The following ZPBP variants were observed in gnomAD, a reference collection of about 807,000 sequenced individuals.
ZPBP encodes zona pellucida binding protein, also known as zona pellucida-binding protein 1.
In ZPBP, 26 loss-of-function variants were observed where a neutral mutation model predicts 44.8. The observed-to-expected ratio is 0.58, with a 90% CI of 0.43 to 0.81. The LOEUF (loss-of-function observed/expected upper bound fraction) is 0.81, where lower values mean the gene tolerates loss of function less well. ZPBP is among the 30% of genes least tolerant of loss of function. The pLI is 0.00. For missense variants in ZPBP, 409 were observed against 434.0 expected (o/e 0.94, Z 0.51); for synonymous variants, 174 against 153.2 (o/e 1.14, Z -1.00).
chr7:49,911,925 A>ACACACACACG, intron 1 of ZPBP: 2 of 590,154 alleles, frequency 3.4e-6, no homozygotes, highest in East Asian at 3.9e-5. Context: ...AAATACACGC[A>ACACACACACG]CACACACACA....
intron 6 of ZPBP, among the ~76,000 whole-genome samples, chr7:49,993,827 A>G (rs752465215): frequency 1.3e-5 from 2 of 149,790 alleles, no homozygotes; most frequent in Non-Finnish European, 3.0e-5. Context: ...GCCCGCCACC[A>G]TGGCCATGTT....
At chr7:50,030,459 G>T (rs1283636042) in intron 5 of ZPBP, among the ~76,000 whole-genome samples, 6 of 151,162 alleles carry the variant, frequency 4.0e-5, no homozygotes, top group African/African-American at 1.5e-4. Context: ...TCAGGGAAAT[G>T]ATTAAATACA....
chr7:50,081,862 G>T lies in ZPBP; in HGVS notation c.246C>A (p.His82Gln), dbSNP rs772523665. ...AYVMLHQKSP[H>Q]VLCVTQQLRN... is the part of the protein sequence containing the mutation. ...GCAGTTGTTGCGTTACACATAACAC[G>T]TGTGGACTCTTTTGATGGAGCATGA... Residue 82 changes from histidine to glutamine, a missense_variant, in exon 3 of 8, where the codon CAC becomes CAA. Transcript: ENST00000046087. 1 of 1,611,298 alleles carries T rather than the reference G, an allele frequency of 6.2e-7. No individual in the cohort carries two copies. The highest frequency in any genetic ancestry group is 1.7e-5 in the Admixed American group (1 of 59,780).
At chr7:49,974,661 G>T (rs1229279745) in intron 7 of ZPBP, among the ~76,000 whole-genome samples, 5 of 151,970 alleles carry the variant, frequency 3.3e-5, no homozygotes. Context: ...CTGCCATTAG[G>T]CAAACAACAC....
intron 7 of ZPBP, among the ~76,000 whole-genome samples, chr7:49,948,525 A>G (rs1795199911): frequency 6.6e-6 from 1 of 152,160 alleles, no homozygotes; most frequent in South Asian, 2.1e-4. Flanking sequence ...CCTATAATTC[A>G]ACAAACAACC....
At chr7:49,928,299 T>C (rs1794319437) in intron 1 of ZPBP, among the ~76,000 whole-genome samples, 1 of 152,222 alleles carries the variant, frequency 6.6e-6, no homozygotes, top group Non-Finnish European at 1.5e-5. Flanking sequence ...TCTAGTTACA[T>C]ACACTTTTCT....
intron 4 of ZPBP, among the ~76,000 whole-genome samples, chr7:50,038,008 G>A (rs890803719): frequency 6.6e-6 from 1 of 152,090 alleles, no homozygotes; most frequent in Non-Finnish European, 1.5e-5. Flanking sequence ...TGAGACAGAG[G>A]CTCTAAATCA....
At chr7:50,054,841 G>C (rs1219720534) in intron 4 of ZPBP, among the ~76,000 whole-genome samples, 1 of 151,944 alleles carries the variant, frequency 6.6e-6, no homozygotes, top group Non-Finnish European at 1.5e-5. Context: ...TCTCTCAGTA[G>C]CTATTCAGAC....
At chr7:50,037,808 T>C (rs1799888209) in intron 4 of ZPBP, among the ~76,000 whole-genome samples, 1 of 152,144 alleles carries the variant, frequency 6.6e-6, no homozygotes, top group African/African-American at 2.4e-5. Context: ...AGACACTCCA[T>C]TCCAGATTTC....
chr7:49,945,302 A>G (rs1004972903), intron 7 of ZPBP, among the ~76,000 whole-genome samples: 1 of 151,964 alleles, frequency 6.6e-6, no homozygotes, highest in Non-Finnish European at 1.5e-5. Flanking sequence ...AGCTGAGGAG[A>G]AGAATGTGTA....
intron 1 of ZPBP, among the ~76,000 whole-genome samples, chr7:49,928,519 G>C (rs1008765670): frequency 5.9e-5 from 9 of 152,160 alleles, no homozygotes; most frequent in African/African-American, 1.9e-4. Context: ...CCTGTGGGTA[G>C]GGCTGTCTAC....
chr7:49,907,100 T>C (rs892335149), intron 1 of ZPBP, among the ~76,000 whole-genome samples: 3 of 152,142 alleles, frequency 2.0e-5, no homozygotes, highest in Non-Finnish European at 4.4e-5. Flanking sequence ...AGCTGGGACA[T>C]GTTTTTAGGT....
intron 7 of ZPBP, among the ~76,000 whole-genome samples, chr7:49,979,390 A>C (rs944579139): frequency 6.6e-6 from 1 of 152,096 alleles, no homozygotes; most frequent in African/African-American, 2.4e-5. Flanking sequence ...GGAGCACAAA[A>C]CAGTATTTTA....
intron 4 of ZPBP, among the ~76,000 whole-genome samples, chr7:50,054,066 T>G (rs1029994800): frequency 6.6e-6 from 1 of 152,124 alleles, no homozygotes; most frequent in Admixed American, 6.5e-5. Context: ...TTTTTTTGTA[T>G]TTTTAGTAGA....
At chr7:50,034,675 A>G (rs1799749408) in intron 4 of ZPBP, among the ~76,000 whole-genome samples, 1 of 152,046 alleles carries the variant, frequency 6.6e-6, no homozygotes, top group Admixed American at 6.5e-5. Flanking sequence ...CTCTAACACC[A>G]TCTCCTGAAA....
At chr7:49,857,044 C>T (rs928054421) in intron 2 of ZPBP, among the ~76,000 whole-genome samples, 6 of 116,524 alleles carry the variant, frequency 5.1e-5, no homozygotes. Flanking sequence ...AAAAAAAAGA[C>T]GTAACATGAT....
intron 6 of ZPBP, 127 bp from the exon 7 acceptor site, chr7:49,983,646 T>C: frequency 1.7e-6 from 1 of 604,664 alleles, no homozygotes; most frequent in South Asian, 2.1e-5. Context: ...TTTCTTGCAC[T>C]CACAGACTAT....
intron 1 of ZPBP, among the ~76,000 whole-genome samples, chr7:49,922,262 A>C (rs1009754245): frequency 6.6e-6 from 1 of 152,228 alleles, no homozygotes; most frequent in Non-Finnish European, 1.5e-5. Context: ...AATGATTATG[A>C]AACCTCATAT....
intron 7 of ZPBP, among the ~76,000 whole-genome samples, chr7:49,982,519 A>T (rs1333471125): frequency 2.7e-5 from 4 of 150,518 alleles, no homozygotes; most frequent in Non-Finnish European, 5.9e-5. Context: ...ACACAAAAAA[A>T]TTATAAAGAT....
Sources: gnomAD v4.1 joint callset for allele counts (sites outside exome capture counted in the v4.1 genomes callset) on GRCh38, gnomAD v4.1.1 for gene constraint, MANE v1.5 for transcripts, NCBI Gene and HGNC (gene_info 2026-07-23, HGNC 2026-07-21) for gene names.